The following PSMC3IP variants were observed in gnomAD, a reference collection of about 807,000 sequenced individuals.
PSMC3IP encodes the protein PSMC3 interacting protein.
In PSMC3IP, 26 loss-of-function variants were observed where a neutral mutation model predicts 34.9. The ratio of observed to expected loss-of-function variants is 0.74; its 90% CI spans 0.55 to 1.03. The LOEUF (loss-of-function observed/expected upper bound fraction) is 1.03. PSMC3IP is among the 50% of genes least tolerant of loss of function. The pLI is 0.00. For missense variants in PSMC3IP, 250 were observed against 263.1 expected, an observed-to-expected ratio of 0.95 and a Z score of 0.34; for synonymous variants, 87 against 96.5, an observed-to-expected ratio of 0.90 and a Z score of 0.57.
chr17:42,577,409 G>A, intron 2 of PSMC3IP, 52 bp downstream of exon 2: 1 of 1,610,454 alleles, frequency 6.2e-7, no homozygotes, highest in African/African-American at 1.3e-5. Flanking sequence ...CACGACCCCA[G>A]CCTGAATCCA....
At position 42,574,087 on chromosome 17, in the gene PSMC3IP, A is replaced by G. The variant is rs753114913; in HGVS notation, c.337+12T>C. Reference sequence around the variant, plus strand: ...AGCCTATGGGCACTTTGGAGGGGCTACCCAGTCCTACCAGCCTCCATGTAG... The same window carrying G: ...AGCCTATGGGCACTTTGGAGGGGCTGCCCAGTCCTACCAGCCTCCATGTAG... On this transcript the variant is annotated intron_variant, in intron 4 of 7. Coordinates refer to ENST00000393795, the MANE Select transcript of PSMC3IP (RefSeq NM_016556.4). 1.1e-5 allele frequency: 18 copies of G among 1,614,074 alleles called. No individual in the cohort carries two copies. In the East Asian group the frequency reaches 3.8e-4, roughly 34 times the overall value.
intron 3 of PSMC3IP, among the ~76,000 whole-genome samples, chr17:42,575,875 T>A (rs1318278020): frequency 3.6e-5 from 5 of 138,420 alleles, no homozygotes; most frequent in Admixed American, 7.1e-5. Flanking sequence ...AAAAAAAAAA[T>A]TAGGCTTCGT....
At chr17:42,574,733 CTCTCTCTT>C (rs2093063379) in intron 3 of PSMC3IP, among the ~76,000 whole-genome samples, 1 of 21,766 alleles carries the variant, frequency 4.6e-5, no homozygotes, top group African/African-American at 5.7e-5. Flanking sequence ...CTCCCTTTCC[CTCTCTCTT>C]TCTCTCTCTT....
Position 42,573,304 on chromosome 17 carries a change from C to T in PSMC3IP, c.537+7G>A. 1 of 1,614,154 alleles carries T rather than the reference C, an allele frequency of 6.2e-7. No homozygotes were observed. The highest frequency in any genetic ancestry group is 1.3e-5 in the African/African-American group (1 of 75,054). ...CAGGGCCTGTCTCGGAGCTCCCACA[C>T]ACTTACCATCCTCTTCCTCTTCCTC... On this transcript the variant is annotated splice_region_variant and intron_variant, in intron 6 of 7. Coordinates refer to ENST00000393795, the MANE Select transcript of PSMC3IP (RefSeq NM_016556.4).
At position 42,573,158 on chromosome 17, in the gene PSMC3IP, C is replaced by T. The variant is rs774226501; in HGVS notation, c.546G>A (p.Glu182=). 34 of 1,614,110 alleles carry T rather than the reference C, an allele frequency of 2.1e-5. No individual in the cohort carries two copies. The highest frequency in any genetic ancestry group is 2.7e-5 in the Non-Finnish European group (32 of 1,180,046). Residue 182 remains glutamate, a synonymous_variant, in exon 7 of 8, where the codon GAG becomes GAA. Coordinates refer to ENST00000393795, the MANE Select transcript of PSMC3IP (RefSeq NM_016556.4). ...ATCCTTCAAGTATTGCATCAGACAG[C>T]TCTGTAGCCTGACAAGAAATAAAAC... is the stretch of plus-strand genomic sequence containing the variant. The part of the protein sequence containing the change: ...EWRKRKRMAT[E]LSDAILEGYP...
At chr17:42,575,957 C>T (rs909567670) in intron 3 of PSMC3IP, among the ~76,000 whole-genome samples, 1 of 151,744 alleles carries the variant, frequency 6.6e-6, no homozygotes. Context: ...GGAGGTGGAG[C>T]TTATAGTGAG....
Position 42,577,268 on chromosome 17 carries a change from T to C in PSMC3IP, c.170A>G (p.Gln57Arg). ...VVKTLEQLAQ[Q>R]GKIKEKMYGK... ...GTACATCTTCTCTTTGATCTTGCCT[T>C]GTTGCGCCAGCTGCTCCAGCGTCTT... Residue 57 changes from glutamine (Q) to arginine (R), a missense_variant, in exon 3 of 8, where the codon CAA (glutamine) becomes CGA (arginine). Coordinates refer to ENST00000393795, the MANE Select transcript of PSMC3IP (RefSeq NM_016556.4). 5.6e-6 allele frequency: 9 copies of C among 1,614,048 alleles called. No individual in the cohort carries two copies. Among genetic ancestry groups the C allele is most frequent in the Non-Finnish European group, 7.6e-6 (9 of 1,180,006 alleles).
chr17:42,575,002 C>T (rs1270041938), intron 3 of PSMC3IP, among the ~76,000 whole-genome samples: 1 of 152,226 alleles, frequency 6.6e-6, no homozygotes, highest in Non-Finnish European at 1.5e-5. Flanking sequence ...GATCCATCCG[C>T]CTCAGCCTCC....
In PSMC3IP at chr17:42,577,127, G is replaced by A. The variant is rs560065722; in HGVS notation, c.225+86C>T. 203 of 1,597,612 alleles carry A rather than the reference G, an allele frequency of 1.3e-4. 4 individuals carry two copies. The South Asian group carries it at 2.2e-3, about 17-fold the overall frequency. ...AAGACAGGTGAGTTTTCCATGGGGG[G>A]CCTTGTCCCCAAAGAGTTCACACCA... On this transcript the variant is annotated intron_variant, in intron 3 of 7. Coordinates refer to ENST00000393795, the MANE Select transcript of PSMC3IP (RefSeq NM_016556.4).
At chr17:42,574,246 T>C in intron 3 of PSMC3IP, 36 bp from the exon 4 acceptor site, 1 of 1,602,388 alleles carries the variant, frequency 6.2e-7, no homozygotes, top group Non-Finnish European at 8.5e-7. Flanking sequence ...AGTGAACTGT[T>C]GTGAGGCACA....
At chr17:42,574,849 C>G (rs539136597) in intron 3 of PSMC3IP, among the ~76,000 whole-genome samples, 2 of 152,198 alleles carry the variant, frequency 1.3e-5, no homozygotes, top group Admixed American at 1.3e-4. Context: ...CGCCTCCTGG[C>G]TTCAAGCGAT....
chr17:42,573,252 G>T (rs1035627255), intron 6 of PSMC3IP, 59 bp downstream of exon 6: 1 of 1,613,938 alleles, frequency 6.2e-7, no homozygotes, highest in Non-Finnish European at 8.5e-7. Context: ...CGGCTGATCT[G>T]GTGCCTGCCA....
In PSMC3IP at chr17:42,573,515, G is replaced by T; in HGVS notation, c.446C>A (p.Ala149Glu). 1 of 1,614,210 alleles carries T rather than the reference G, an allele frequency of 6.2e-7. No homozygotes were observed. The highest frequency in any genetic ancestry group is 8.5e-7 in the Non-Finnish European group (1 of 1,180,044). ...TTCTGGAGTCACATGATTGGTAGCT[G>T]CTTTAATGTTCTTCAATCTCTCTCT... ...GYRERLKNIK[A>E]ATNHVTPEEK... Residue 149 changes from alanine to glutamate, a missense_variant, in exon 5 of 8, where the codon GCA becomes GAA. Transcript: ENST00000393795.
At chr17:42,577,769 T>C, upstream of PSMC3IP, 1 of 1,542,794 alleles carries the variant, frequency 6.5e-7, no homozygotes, top group East Asian at 2.2e-5. Context: ...GGGGCGGGCC[T>C]CGAACGGTGA....
intron 3 of PSMC3IP, among the ~76,000 whole-genome samples, chr17:42,575,158 G>T (rs2093067515): frequency 6.6e-6 from 1 of 152,190 alleles, no homozygotes; most frequent in Non-Finnish European, 1.5e-5. Flanking sequence ...GGGGGTGGGG[G>T]AGGTCACATC....
At position 42,574,679 on chromosome 17, in the gene PSMC3IP, CTCCT is replaced by C. The variant is rs771876501; in HGVS notation, c.226-473_226-470del. The stretch of plus-strand genomic sequence containing the variant: ...TCCTTCTTTCCACCTTCCTCTCTCC[CTCCT>C]TCCTTCCTTCCTTTTTCCTCCCTCC... On this transcript the variant is annotated intron_variant, in intron 3 of 7. Transcript: ENST00000393795. Among the ~76,000 whole-genome samples, 147 of 136,446 alleles carry C rather than the reference CTCCT, an allele frequency of 1.1e-3. 1 individual carries two copies. The East Asian group carries it at 0.014, about 13-fold the overall frequency. 89.5% of individuals were successfully genotyped at this position (136,446 alleles called of 152,430 possible). A position where few individuals can be genotyped will look rare whatever the true frequency, so the allele number is the denominator to read the frequency against.
At chr17:42,576,493 G>C (rs1460308585) in intron 3 of PSMC3IP, among the ~76,000 whole-genome samples, 1 of 152,148 alleles carries the variant, frequency 6.6e-6, no homozygotes, top group Non-Finnish European at 1.5e-5. Flanking sequence ...ATGGAAAGGA[G>C]AGTGGATTCA....
chr17:42,574,014 G>C (rs756885988), intron 4 of PSMC3IP, 85 bp downstream of exon 4: 20 of 1,576,444 alleles, frequency 1.3e-5, no homozygotes, highest in Middle Eastern at 3.3e-4. Flanking sequence ...AGATGCTGCA[G>C]TCATTGAACC....
rs561003972 is a variant in PSMC3IP at position 42,577,639 on chromosome 17, C to T, written c.34+14G>A. The T allele has an allele frequency of 1.2e-6, 2 of 1,614,164 alleles. No homozygotes were observed. Among genetic ancestry groups the T allele is most frequent in the South Asian group, 1.1e-5 (1 of 91,088 alleles). On this transcript the variant is annotated intron_variant, in intron 1 of 7. Transcript: ENST00000393795. ...TGCCCTCCCGGGTCTTCCCCGCGCC[C>T]ACGGCGCCGTTACCTCCCGCCGCAG...
Sources: gnomAD v4.1 joint callset for allele counts (sites outside exome capture counted in the v4.1 genomes callset) on GRCh38, gnomAD v4.1.1 for gene constraint, MANE v1.5 for transcripts, NCBI Gene and HGNC (gene_info 2026-07-23, HGNC 2026-07-21) for gene names.